APBB2: variants seen among roughly 807,000 people sequenced by gnomAD.
APBB2 encodes Fe65-like 1.
Under a neutral mutation model 82.5 loss-of-function variants are expected in APBB2, and 38 were observed. The ratio of observed to expected loss-of-function variants is 0.46; its 90% CI spans 0.36 to 0.60. The LOEUF (loss-of-function observed/expected upper bound fraction) is 0.60. APBB2 is among the 20% of genes least tolerant of loss of function. The probability of loss-of-function intolerance (pLI) is 0.00; values close to 1 mark genes in which losing one functional copy is unlikely to be tolerated. For synonymous variants in APBB2, 341 were observed against 368.2 expected (o/e 0.93, Z 0.85); for missense variants, 772 against 972.3 (o/e 0.79, Z 2.74).
At chr4:41,172,418 C>T (rs1421288516) in intron 1 of APBB2, among the ~76,000 whole-genome samples, 3 of 152,168 alleles carry the variant, frequency 2.0e-5, no homozygotes, top group South Asian at 2.1e-4. Context: ...GCTGGAAAGG[C>T]TTCTCTCACC....
At chr4:41,139,165 T>C (rs976499440) in intron 2 of APBB2, among the ~76,000 whole-genome samples, 2 of 151,840 alleles carry the variant, frequency 1.3e-5, no homozygotes, top group East Asian at 3.9e-4. Flanking sequence ...GCTCTTAATA[T>C]TGAACTAGAA....
chr4:40,951,552 C>T (rs571933059), intron 6 of APBB2, among the ~76,000 whole-genome samples: 36 of 152,364 alleles, frequency 2.4e-4, no homozygotes, highest in Non-Finnish European at 4.7e-4. Context: ...AGTGTCAATG[C>T]GGTAGGGACC....
chr4:40,822,043 T>A lies in APBB2; in HGVS notation c.1940A>T (p.Glu647Val). ...CACACGACATTCCACTAAGACTTCC[T>A]CTTCATTCTGCAAGAGACATTATGC... ...TVTVISEKNEEEVLVECRVRF... is the reference protein window; with the variant it reads ...TVTVISEKNEVEVLVECRVRF... The change falls in exon 17 of 18, where the codon GAG becomes GTG. Residue 647 changes from glutamate (E) to valine (V), a missense_variant. Transcript: ENST00000508593. 2 of 1,614,164 alleles carry A rather than the reference T, an allele frequency of 1.2e-6. No individual in the cohort carries two copies. The highest frequency in any genetic ancestry group is 2.2e-5 in the East Asian group (1 of 44,890).
At chr4:40,924,193 A>C (rs888850236) in intron 10 of APBB2, among the ~76,000 whole-genome samples, 2 of 152,200 alleles carry the variant, frequency 1.3e-5, no homozygotes, top group Non-Finnish European at 2.9e-5. Flanking sequence ...CCTAAAAGCC[A>C]TGCATGAGAG....
Position 40,966,034 on chromosome 4 carries a change from A to C in APBB2, c.836-20961T>G, listed in dbSNP as rs1008274454. On this transcript the variant is annotated intron_variant, in intron 6 of 17. Transcript: ENST00000508593. ...GAAACTAAACACAAAGAATATCCTA[A>C]TATAACTCATACTGAAACTATGATT... Among the ~76,000 whole-genome samples, 71 of 152,350 alleles carry C rather than the reference A, an allele frequency of 4.7e-4. 1 individual carries two copies. Among genetic ancestry groups the C allele is most frequent in the Admixed American group, 1.6e-3 (24 of 15,308 alleles).
chr4:40,883,502 G>C (rs888444156), intron 12 of APBB2, among the ~76,000 whole-genome samples: 4 of 152,014 alleles, frequency 2.6e-5, no homozygotes, highest in Admixed American at 6.6e-5. Context: ...CAGGAGAATT[G>C]CTTGAACCCA....
At chr4:41,000,059 ATATGTGTGTATGTGTGTGTGTGTGTG>A (rs1261131838) in intron 6 of APBB2, among the ~76,000 whole-genome samples, 1 of 92,902 alleles carries the variant, frequency 1.1e-5, no homozygotes, top group Non-Finnish European at 2.3e-5. Flanking sequence ...ATATGTATAT[ATATGTGTGTATGTGTGTGTGTGTGTG>A]TGTGTGTGTG....
chr4:41,082,567 CTTT>C (rs74266115), intron 3 of APBB2, among the ~76,000 whole-genome samples: 2 of 110,512 alleles, frequency 1.8e-5, no homozygotes, highest in African/African-American at 3.3e-5. Context: ...AGTTATGTTT[CTTT>C]TTTTTTTTTT....
chr4:41,177,963 G>A (rs962748221), intron 1 of APBB2, among the ~76,000 whole-genome samples: 4 of 152,056 alleles, frequency 2.6e-5, no homozygotes, highest in African/African-American at 7.2e-5. Context: ...GGAGCACTTT[G>A]GATTTCAGAT....
At chr4:41,085,177 G>T (rs1055260174) in intron 3 of APBB2, among the ~76,000 whole-genome samples, 1 of 151,724 alleles carries the variant, frequency 6.6e-6, no homozygotes, top group Admixed American at 6.6e-5. Flanking sequence ...TGTGAACCCG[G>T]GAGGTGGAGC....
chr4:41,017,709 C>T (rs1171251704), intron 5 of APBB2, among the ~76,000 whole-genome samples: 1 of 152,140 alleles, frequency 6.6e-6, no homozygotes, highest in African/African-American at 2.4e-5. Flanking sequence ...GGGCTGCCTA[C>T]CAGGGCCCCC....
At chr4:41,208,584 T>TA (rs961960949) in intron 1 of APBB2, among the ~76,000 whole-genome samples, 2 of 149,716 alleles carry the variant, frequency 1.3e-5, no homozygotes, top group South Asian at 2.3e-4. Flanking sequence ...TTCATCAACT[T>TA]AAAAAAAACG....
intron 1 of APBB2, among the ~76,000 whole-genome samples, chr4:41,164,252 C>G (rs534400514): frequency 4.3e-4 from 65 of 152,218 alleles, no homozygotes; most frequent in African/African-American, 1.2e-3. Context: ...TGTGAAATTT[C>G]CCTCTTGCGG....
At chr4:40,875,681 C>G (rs1766703219) in intron 12 of APBB2, among the ~76,000 whole-genome samples, 1 of 152,148 alleles carries the variant, frequency 6.6e-6, no homozygotes, top group African/African-American at 2.4e-5. Flanking sequence ...ATGAACAGCC[C>G]AGCTCTAGGG....
intron 1 of APBB2, among the ~76,000 whole-genome samples, chr4:41,208,972 A>G (rs899636589): frequency 2.0e-5 from 3 of 152,188 alleles, no homozygotes; most frequent in Non-Finnish European, 4.4e-5. Context: ...TAGAAAGGGA[A>G]TATCTCCTGT....
At chr4:40,849,797 A>G (rs541563100) in intron 12 of APBB2, among the ~76,000 whole-genome samples, 3 of 139,762 alleles carry the variant, frequency 2.1e-5, no homozygotes, top group African/African-American at 8.2e-5. Flanking sequence ...GCACCATCTC[A>G]GCTCACTGCA....
intron 4 of APBB2, among the ~76,000 whole-genome samples, chr4:41,041,861 A>G (rs1296377838): frequency 2.0e-5 from 3 of 152,256 alleles, no homozygotes; most frequent in Admixed American, 2.0e-4. Context: ...TGGAAAAGAA[A>G]TATTTTCAAG....
intron 2 of APBB2, among the ~76,000 whole-genome samples, chr4:41,109,131 T>C (rs980316982): frequency 6.6e-6 from 1 of 152,104 alleles, no homozygotes; most frequent in South Asian, 2.1e-4. Flanking sequence ...TCCCGCACCA[T>C]GGTTCTCGCT....
chr4:41,039,786 G>A (rs1720628423), intron 4 of APBB2, among the ~76,000 whole-genome samples: 1 of 151,148 alleles, frequency 6.6e-6, no homozygotes, highest in Non-Finnish European at 1.5e-5. Context: ...GTTGAGCCCA[G>A]GAGTTCAGTG....
Sources: gnomAD v4.1 joint callset for allele counts (sites outside exome capture counted in the v4.1 genomes callset) on GRCh38, gnomAD v4.1.1 for gene constraint, MANE v1.5 for transcripts, NCBI Gene and HGNC (gene_info 2026-07-23, HGNC 2026-07-21) for gene names.